The following ULK2 variants were observed in gnomAD, a reference collection of about 807,000 sequenced individuals.
ULK2 encodes serine/threonine-protein kinase ULK2.
In ULK2, 76 loss-of-function variants were observed where a neutral mutation model predicts 127.5. That is an observed-to-expected ratio of 0.60 (90% CI 0.50 to 0.72). The LOEUF (loss-of-function observed/expected upper bound fraction) is 0.72, where lower values mean the gene tolerates loss of function less well. Among genes scored for constraint, ULK2 ranks in the 30% least tolerant of loss-of-function variants. The probability of loss-of-function intolerance (pLI) is 0.00; values close to 1 mark genes in which losing one functional copy is unlikely to be tolerated. For missense variants in ULK2, 1,144 were observed against 1,295.9 expected (o/e 0.88, Z 1.80); for synonymous variants, 452 against 461.9 (o/e 0.98, Z 0.28).
In ULK2 at chr17:19,849,895, T is replaced by C. The variant is rs142443064; in HGVS notation, c.226-121A>G. On this transcript the variant is annotated intron_variant, in intron 3 of 26. Coordinates refer to ENST00000395544, the MANE Select transcript of ULK2 (RefSeq NM_014683.4). ...AAACTGGTAAAATGAAATCACAAAA[T>C]CTATTAGAAAGTGAAATTAAAATTC... 528 of 586,506 alleles carry C rather than the reference T, an allele frequency of 9.0e-4. 1 individual carries two copies. In the African/African-American group the frequency reaches 9.3e-3, roughly 10 times the overall value. 36.3% of individuals were successfully genotyped at this position (586,506 alleles called of 1,614,324 possible). A position where few individuals can be genotyped will look rare whatever the true frequency, so the allele number is the denominator to read the frequency against.
intron 8 of ULK2, among the ~76,000 whole-genome samples, chr17:19,842,267 G>C (rs532944019): frequency 1.5e-5 from 2 of 137,006 alleles, no homozygotes; most frequent in African/African-American, 5.6e-5. Context: ...GTGTGATCTC[G>C]GCTCACCGCA....
chr17:19,845,235 C>G, intron 7 of ULK2, 69 bp downstream of exon 7: 1 of 1,329,242 alleles, frequency 7.5e-7, no homozygotes, highest in Non-Finnish European at 1.1e-6. Flanking sequence ...TGGAAGCACG[C>G]ATTATATTTA....
chr17:19,810,113 C>T (rs2087602345), intron 14 of ULK2, among the ~76,000 whole-genome samples: 1 of 151,820 alleles, frequency 6.6e-6, no homozygotes, highest in Admixed American at 6.6e-5. Context: ...CACCTATAGT[C>T]CCAGCTACTC....
intron 3 of ULK2, among the ~76,000 whole-genome samples, chr17:19,862,478 T>G (rs923441829): frequency 2.0e-5 from 3 of 151,562 alleles, no homozygotes; most frequent in Non-Finnish European, 4.4e-5. Context: ...TTTTTTTTTT[T>G]TGTTTGAGAT....
At chr17:19,845,514 C>T (rs1406681301) in intron 6 of ULK2, 137 bp from the exon 7 acceptor site, 4 of 580,924 alleles carry the variant, frequency 6.9e-6, no homozygotes, top group Non-Finnish European at 1.2e-5. Context: ...GACTGTCCAC[C>T]AAAAAAAAAG....
chr17:19,803,607 T>G (rs1333884636), intron 15 of ULK2, among the ~76,000 whole-genome samples: 1 of 152,250 alleles, frequency 6.6e-6, no homozygotes, highest in Non-Finnish European at 1.5e-5. Context: ...CACTTTACTT[T>G]TTTCATTTTA....
chr17:19,779,108 T>A (rs1224856322), intron 25 of ULK2, among the ~76,000 whole-genome samples: 3 of 152,208 alleles, frequency 2.0e-5, no homozygotes, highest in Non-Finnish European at 4.4e-5. Flanking sequence ...GAATTTATAT[T>A]CCAAAGTTAT....
chr17:19,806,362 T>C (rs1475601154), intron 14 of ULK2, among the ~76,000 whole-genome samples: 1 of 152,240 alleles, frequency 6.6e-6, no homozygotes, highest in East Asian at 1.9e-4. Context: ...AAATTTTTCC[T>C]GTACTGGTTA....
chr17:19,867,343 C>A lies in ULK2; in HGVS notation c.75G>T (p.Arg25=). ...CGGCGCTCACCTGGCGGTGCCGCCC[C>A]CGGAAGACCACGGCGAAGGCCCCGT... ...VGHGAFAVVF[R]GRHRQKTDWE... The change falls in exon 1 of 27, where the codon CGG becomes CGT. Residue 25 remains arginine, a synonymous_variant. Coordinates refer to ENST00000395544, the MANE Select transcript of ULK2 (RefSeq NM_014683.4). The A allele has an allele frequency of 6.2e-7, 1 of 1,600,426 alleles. No homozygotes were observed.
At chr17:19,790,482 A>C (rs1181550201) in intron 20 of ULK2, among the ~76,000 whole-genome samples, 1 of 152,204 alleles carries the variant, frequency 6.6e-6, no homozygotes, top group Non-Finnish European at 1.5e-5. Flanking sequence ...TGGTAACCTC[A>C]AATAAAAAAA....
At chr17:19,832,899 G>A (rs984382181) in intron 10 of ULK2, among the ~76,000 whole-genome samples, 11 of 152,076 alleles carry the variant, frequency 7.2e-5, no homozygotes, top group Non-Finnish European at 1.5e-4. Context: ...GAGGCAGGTG[G>A]ATCACTTAAG....
intron 3 of ULK2, among the ~76,000 whole-genome samples, chr17:19,855,055 G>A (rs1404078360): frequency 4.7e-5 from 7 of 149,182 alleles, no homozygotes; most frequent in East Asian, 2.0e-4. Flanking sequence ...AGCTGAGAGT[G>A]CGCCACTGTA....
intron 13 of ULK2, among the ~76,000 whole-genome samples, chr17:19,813,714 A>G (rs2040898068): frequency 6.6e-6 from 1 of 152,216 alleles, no homozygotes; most frequent in African/African-American, 2.4e-5. Context: ...CAGCACACAC[A>G]AGAAAAAAGA....
At chr17:19,841,733 T>C (rs1056851765) in intron 8 of ULK2, among the ~76,000 whole-genome samples, 186 bp from the exon 9 acceptor site, 11 of 152,112 alleles carry the variant, frequency 7.2e-5, no homozygotes, top group Non-Finnish European at 4.4e-5. Flanking sequence ...ATGCTCATAT[T>C]CTTGCTACAG....
At chr17:19,838,447 G>T in intron 10 of ULK2, 54 bp downstream of exon 10, 2 of 1,437,802 alleles carry the variant, frequency 1.4e-6, no homozygotes, top group South Asian at 2.5e-5. Flanking sequence ...TAAATCTTTC[G>T]GCATATATAA....
At chr17:19,861,910 A>G (rs2152403187) in intron 3 of ULK2, among the ~76,000 whole-genome samples, 1 of 152,316 alleles carries the variant, frequency 6.6e-6, no homozygotes, top group East Asian at 1.9e-4. Context: ...CCATGGATGG[A>G]AGTTTAAATT....
At position 19,776,073 on chromosome 17, in the gene ULK2, G is replaced by A. The variant is rs2086807019; in HGVS notation, c.*276C>T. On this transcript the variant is annotated 3_prime_UTR_variant, in exon 27 of 27. Coordinates refer to ENST00000395544, the MANE Select transcript of ULK2 (RefSeq NM_014683.4). ...ACTGTACCGATTATCCTAGTTCTAA[G>A]GTACATTTATTCACCAAGTCCAAAC... is the stretch of plus-strand genomic sequence containing the variant. The A allele has an allele frequency of 2.4e-6, 1 of 419,822 alleles. No individual in the cohort carries two copies. Among genetic ancestry groups the A allele is most frequent in the Non-Finnish European group, 4.3e-6 (1 of 234,846 alleles). 26.0% of individuals were successfully genotyped at this position (419,822 alleles called of 1,614,324 possible).
At chr17:19,797,152 C>T (rs1335858286) in intron 18 of ULK2, among the ~76,000 whole-genome samples, 1 of 151,996 alleles carries the variant, frequency 6.6e-6, no homozygotes, top group African/African-American at 2.4e-5. Flanking sequence ...AAAAAATTAG[C>T]TGGGCATGGT....
At position 19,780,741 on chromosome 17, in the gene ULK2, C is replaced by CA. The variant is rs539709721; in HGVS notation, c.2759-113dup. The CA allele has an allele frequency of 8.1e-5, 99 of 1,214,892 alleles. No individual in the cohort carries two copies. In the East Asian group the frequency reaches 2.4e-3, roughly 29 times the overall value. 75.3% of individuals were successfully genotyped at this position (1,214,892 alleles called of 1,614,324 possible). The stretch of plus-strand genomic sequence containing the variant: ...GGGAAGGTGTCACTATGTGATCATT[C>CA]AAAAAAAGGACCAGAAATAGGATTT... On this transcript the variant is annotated intron_variant, in intron 24 of 26. Transcript: ENST00000395544.
Sources: gnomAD v4.1 joint callset for allele counts (sites outside exome capture counted in the v4.1 genomes callset) on GRCh38, gnomAD v4.1.1 for gene constraint, MANE v1.5 for transcripts, NCBI Gene and HGNC (gene_info 2026-07-23, HGNC 2026-07-21) for gene names.